Variants in ELFN1 observed in about 807,000 individuals in gnomAD.
ELFN1 encodes the protein protein ELFN1.
In ELFN1, 6 loss-of-function variants were observed where a neutral mutation model predicts 7.6. That is an observed-to-expected ratio of 0.79 (90% CI 0.43 to 1.56). The LOEUF (loss-of-function observed/expected upper bound fraction) is 1.56. Ranked by LOEUF, ELFN1 falls within the 40% of genes most tolerant of loss-of-function variation. ELFN1 has a pLI of 0.01. For synonymous variants in ELFN1, 657 were observed against 588.1 expected (o/e 1.12, Z -1.70); for missense variants, 1,169 against 1,232.2 (o/e 0.95, Z 0.77).
chr7:1,668,356 G>T (rs183984720), upstream of ELFN1, among the ~76,000 whole-genome samples: 1 of 152,394 alleles, frequency 6.6e-6, no homozygotes, highest in East Asian at 1.9e-4. Context: ...GCACACGGGG[G>T]ACACCTGCGA....
Position 1,724,002 on chromosome 7 carries a change from A to G in ELFN1, c.-294+14750A>G, listed in dbSNP as rs539949428. Among the ~76,000 whole-genome samples, 6 of 152,320 alleles carry G rather than the reference A, an allele frequency of 3.9e-5. No homozygotes were observed. The East Asian group carries it at 1.2e-3, about 29-fold the overall frequency. Reference sequence around the variant, plus strand: ...CCTGTGAGCCACGTGGGATGTGGTTAGTCACAGGGGCTATGGGGCCAGGCT... The same window carrying G: ...CCTGTGAGCCACGTGGGATGTGGTTGGTCACAGGGGCTATGGGGCCAGGCT... On this transcript the variant is annotated intron_variant, in intron 3 of 3. Transcript: ENST00000424383.
intron 3 of ELFN1, among the ~76,000 whole-genome samples, chr7:1,736,827 C>G (rs958373355): frequency 2.0e-5 from 3 of 152,152 alleles, no homozygotes; most frequent in African/African-American, 7.2e-5. Context: ...GTGGCCAGCT[C>G]TCCCAGCAAC....
Position 1,744,539 on chromosome 7 carries a change from G to A in ELFN1, c.-58G>A. ...CCATCCCTCTGGGGGCTGGCGCCTG[G>A]CCCCCCACCTGGTCCCCCTGGGCAG... On this transcript the variant is annotated 5_prime_UTR_variant, in exon 4 of 4. Coordinates refer to ENST00000424383, the MANE Select transcript of ELFN1 (RefSeq NM_001128636.4). 7.0e-7 allele frequency: 1 copy of A among 1,433,636 alleles called. No homozygotes were observed. Among genetic ancestry groups the A allele is most frequent in the Non-Finnish European group, 9.1e-7 (1 of 1,099,052 alleles). The allele number at this position is 1,433,636 out of a possible 1,614,324, so 88.8% of individuals were successfully genotyped here. A position where few individuals can be genotyped will look rare whatever the true frequency, so the allele number is the denominator to read the frequency against.
chr7:1,727,994 T>C (rs553362068), intron 3 of ELFN1, among the ~76,000 whole-genome samples: 6 of 152,252 alleles, frequency 3.9e-5, no homozygotes, highest in African/African-American at 1.4e-4. Context: ...GGGAGCGGTT[T>C]GAGAGAGGCC....
At chr7:1,696,277 GGAGA>G (rs369346750) in intron 2 of ELFN1, among the ~76,000 whole-genome samples, 3,159 of 145,590 alleles carry the variant, frequency 0.022, 90 homozygotes, top group African/African-American at 0.074. Flanking sequence ...AGAAAGAGAT[GGAGA>G]GAGAGAGAGA....
chr7:1,670,880 C>G lies in ELFN1; in HGVS notation c.-549+526C>G, dbSNP rs149818649. On this transcript the variant is annotated intron_variant, in intron 1 of 3. Coordinates refer to ENST00000424383, the MANE Select transcript of ELFN1 (RefSeq NM_001128636.4). The surrounding 1 kb of genome is among the most constrained non-coding windows in gnomAD (Gnocchi z 6.4). ...CGCGCGGGGACCGTCCAGTCACGCA[C>G]GGGGAGGGGTCACATTCCTCGGTCC... is the stretch of plus-strand genomic sequence containing the variant. 1.4e-5 allele frequency among the ~76,000 whole-genome samples: 2 copies of G among 141,342 alleles called. No homozygotes were observed. The highest frequency in any genetic ancestry group is 3.1e-5 in the Non-Finnish European group (2 of 64,116). The allele number at this position is 141,342 out of a possible 152,430, so 92.7% of individuals were successfully genotyped here.
intron 3 of ELFN1, among the ~76,000 whole-genome samples, chr7:1,729,819 C>T (rs776368462): frequency 8.5e-5 from 13 of 152,340 alleles, no homozygotes; most frequent in East Asian, 1.9e-4. Flanking sequence ...ACAGCCGTCC[C>T]GAAGGGGCTG....
At chr7:1,704,876 G>C (rs916984476) in intron 2 of ELFN1, among the ~76,000 whole-genome samples, 6 of 152,146 alleles carry the variant, frequency 3.9e-5, no homozygotes, top group African/African-American at 1.2e-4. Flanking sequence ...ACCAGGGCTC[G>C]AGGTCAGCTT....
rs142268694 is a variant in ELFN1 at position 1,720,338 on chromosome 7, C to G, written c.-294+11086C>G. Among the ~76,000 whole-genome samples, 1,088 of 152,328 alleles carry G rather than the reference C, an allele frequency of 7.1e-3. 12 individuals are homozygous for G. Among genetic ancestry groups the G allele is most frequent in the African/African-American group, 0.025 (1,039 of 41,564 alleles). ...GGGCCCCAGGCTTCCTCTGCCTGCCCTTGATTTTCCCAGAGGCCTGCTGGC... is the reference window on the plus strand; with the variant it reads ...GGGCCCCAGGCTTCCTCTGCCTGCCGTTGATTTTCCCAGAGGCCTGCTGGC... On this transcript the variant is annotated intron_variant, in intron 3 of 3. Transcript: ENST00000424383.
intron 1 of ELFN1, among the ~76,000 whole-genome samples, chr7:1,682,434 T>A: frequency 6.6e-6 from 1 of 152,048 alleles, no homozygotes; most frequent in East Asian, 1.9e-4. Context: ...CCTATTTTTA[T>A]TTTATTTTAT....
At position 1,735,837 on chromosome 7, in the gene ELFN1, G is replaced by A. The variant is rs1253439860; in HGVS notation, c.-293-8467G>A. ...CCCAGCATCATGCCAGGAGCCTTCAGTAACTGGTGATGCATCCCCCACCAC... is the reference window on the plus strand; with the variant it reads ...CCCAGCATCATGCCAGGAGCCTTCAATAACTGGTGATGCATCCCCCACCAC... On this transcript the variant is annotated intron_variant, in intron 3 of 3. Transcript: ENST00000424383. The surrounding 1 kb of genome is among the most constrained non-coding windows in gnomAD (Gnocchi z 5.9). Among the ~76,000 whole-genome samples the A allele has an allele frequency of 6.6e-6, 1 of 152,184 alleles. No homozygotes were observed. Among genetic ancestry groups the A allele is most frequent in the Non-Finnish European group, 1.5e-5 (1 of 68,028 alleles).
At chr7:1,697,775 A>T (rs1222881768) in intron 2 of ELFN1, among the ~76,000 whole-genome samples, 2 of 152,052 alleles carry the variant, frequency 1.3e-5, no homozygotes, top group African/African-American at 2.4e-5. Flanking sequence ...ACAGATTTTT[A>T]AAAATTGTTT....
intron 2 of ELFN1, among the ~76,000 whole-genome samples, chr7:1,688,520 G>A (rs748062406): frequency 6.6e-5 from 10 of 152,104 alleles, no homozygotes; most frequent in Non-Finnish European, 1.3e-4. Context: ...TGAGATGTAA[G>A]GATCAAGTGT....
chr7:1,736,304 C>G (rs1420673010), intron 3 of ELFN1, among the ~76,000 whole-genome samples: 1 of 152,180 alleles, frequency 6.6e-6, no homozygotes. Flanking sequence ...GCCCACCTTT[C>G]CCCCTGGAGC....
intron 1 of ELFN1, among the ~76,000 whole-genome samples, chr7:1,675,274 G>A (rs994242498): frequency 2.0e-5 from 3 of 152,230 alleles, no homozygotes; most frequent in Non-Finnish European, 4.4e-5. Context: ...TGCTGACCGC[G>A]CTGAGAGCTT....
Position 1,739,816 on chromosome 7 carries a change from G to C in ELFN1, c.-293-4488G>C, listed in dbSNP as rs1780558058. 6.6e-6 allele frequency among the ~76,000 whole-genome samples: 1 copy of C among 152,172 alleles called. No individual in the cohort carries two copies. Among genetic ancestry groups the C allele is most frequent in the South Asian group, 2.1e-4 (1 of 4,818 alleles). On this transcript the variant is annotated intron_variant, in intron 3 of 3. Transcript: ENST00000424383. This position sits in a 1 kb window ranked among gnomAD's most constrained non-coding sequence, Gnocchi z 4.6. ...GGTGAGAGCGGCTCAGAGGGCCCGA[G>C]GGGGGACGCCCGGTGGGGCGGGGCT...
chr7:1,702,997 G>A (rs1779459490), intron 2 of ELFN1, among the ~76,000 whole-genome samples: 1 of 152,204 alleles, frequency 6.6e-6, no homozygotes, highest in Non-Finnish European at 1.5e-5. Flanking sequence ...CAAAAGAATT[G>A]TGCCAATTTC....
chr7:1,675,631 C>A (rs1008242791), intron 1 of ELFN1, among the ~76,000 whole-genome samples: 1 of 152,206 alleles, frequency 6.6e-6, no homozygotes, highest in Non-Finnish European at 1.5e-5. Context: ...GGCCGAGGAG[C>A]GGGGTCTGGA....
intron 1 of ELFN1, among the ~76,000 whole-genome samples, chr7:1,674,475 A>G (rs564416044): frequency 1.3e-5 from 2 of 152,204 alleles, no homozygotes; most frequent in Admixed American, 1.3e-4. Flanking sequence ...TTTGGGGCTG[A>G]GGAGGAGGGG....
Sources: allele counts gnomAD v4.1 joint callset (sites outside exome capture counted in the v4.1 genomes callset), GRCh38; gene constraint gnomAD v4.1.1; non-coding constraint Gnocchi (gnomAD v3.1); transcripts MANE v1.5; gene names NCBI Gene and HGNC (gene_info 2026-07-23, HGNC 2026-07-21).